The following TSC22D3 variants were observed in gnomAD, a reference collection of about 807,000 sequenced individuals.
The protein encoded by TSC22D3 is TSC22 domain family member 3.
TSC22D3 carries 4 observed loss-of-function variants against 11.1 expected under a neutral mutation model. That is an observed-to-expected ratio of 0.36 (90% confidence interval 0.18 to 0.83). The LOEUF is 0.83. TSC22D3 is among the 40% of genes least tolerant of loss of function. The pLI is 0.48. For missense variants in TSC22D3, 118 were observed against 159.4 expected (o/e 0.74, Z 1.40); for synonymous variants, 77 against 70.3 (o/e 1.10, Z -0.48).
chrX:107,740,388 G>A (rs1816022210), intron 1 of TSC22D3, among the ~76,000 whole-genome samples: 1 of 111,681 alleles, frequency 9.0e-6, no homozygotes, highest in Non-Finnish European at 1.9e-5. Context: ...TCGAGACCAT[G>A]ATGGCCAACA....
At chrX:107,774,325 C>T (rs1196192913) in intron 1 of TSC22D3, among the ~76,000 whole-genome samples, 1 of 110,677 alleles carries the variant, frequency 9.0e-6, no homozygotes, top group East Asian at 2.8e-4. Context: ...GTGTTTTTTC[C>T]CTCCCTTGTC....
intron 1 of TSC22D3, among the ~76,000 whole-genome samples, chrX:107,753,102 A>G (rs1292755344): frequency 9.0e-6 from 1 of 111,179 alleles, no homozygotes; most frequent in Admixed American, 9.5e-5. Flanking sequence ...TCTAAATGCC[A>G]GGCCAGGAGC....
At chrX:107,765,212 C>T (rs955445169) in intron 1 of TSC22D3, among the ~76,000 whole-genome samples, 5 of 111,964 alleles carry the variant, frequency 4.5e-5, no homozygotes, top group East Asian at 2.8e-4. Context: ...CTGCTGGAAG[C>T]GGCCGCCATA....
chrX:107,738,815 T>C (rs1330105301), intron 1 of TSC22D3, among the ~76,000 whole-genome samples: 1 of 112,834 alleles, frequency 8.9e-6, no homozygotes, highest in Admixed American at 9.2e-5. Flanking sequence ...CCGGTCACTG[T>C]GGGGTCCCCC....
chrX:107,770,258 T>A (rs1294479148), intron 1 of TSC22D3, among the ~76,000 whole-genome samples: 4 of 111,987 alleles, frequency 3.6e-5, no homozygotes. Flanking sequence ...GAGAACTGAA[T>A]CTTAAATAGT....
At chrX:107,727,947 G>T (rs1456958209) in intron 1 of TSC22D3, among the ~76,000 whole-genome samples, 1 of 112,137 alleles carries the variant, frequency 8.9e-6, no homozygotes, top group East Asian at 2.8e-4. Flanking sequence ...TAATCAGTAA[G>T]ACCTCTATTC....
In TSC22D3 at chrX:107,717,620, T is replaced by G. The variant is rs538116621; in HGVS notation, c.321-1670A>C. On this transcript the variant is annotated intron_variant, in intron 1 of 2. Coordinates refer to ENST00000372383, the MANE Select transcript of TSC22D3 (RefSeq NM_198057.3). ...TCCACTTGCCCCTTCCTCTGAATGT[T>G]CAGGTGTGGGAGTACTTGTCTGTGG... Among the ~76,000 whole-genome samples the G allele has an allele frequency of 7.1e-5, 8 of 112,899 alleles. No individual in the cohort carries two copies. The South Asian group carries it at 2.9e-3, about 41-fold the overall frequency.
intron 1 of TSC22D3, among the ~76,000 whole-genome samples, chrX:107,741,142 A>T (rs1019063170): frequency 8.9e-6 from 1 of 112,020 alleles, no homozygotes; most frequent in Admixed American, 9.4e-5. Context: ...CCCAGAACTC[A>T]GCACTGCCAC....
At chrX:107,715,823 T>A (rs772866989) in intron 2 of TSC22D3, 76 bp downstream of exon 2, 1 of 1,154,696 alleles carries the variant, frequency 8.7e-7, no homozygotes, top group Non-Finnish European at 1.2e-6. Context: ...TTTTCACCCA[T>A]TCCCTCAATC....
At chrX:107,724,741 C>T (rs1482897210) in intron 1 of TSC22D3, among the ~76,000 whole-genome samples, 5 of 112,305 alleles carry the variant, frequency 4.5e-5, no homozygotes, top group South Asian at 3.6e-4. Context: ...CAGATGGACA[C>T]GGGGGAACCA....
chrX:107,772,476 T>C (rs911726147), intron 1 of TSC22D3, among the ~76,000 whole-genome samples: 1 of 111,779 alleles, frequency 8.9e-6, no homozygotes, highest in African/African-American at 3.3e-5. Context: ...AATGGTCTTC[T>C]AGTTTGCTAA....
intron 1 of TSC22D3, among the ~76,000 whole-genome samples, chrX:107,730,742 A>G (rs1345868856): frequency 8.9e-6 from 1 of 112,446 alleles, no homozygotes; most frequent in Non-Finnish European, 1.9e-5. Context: ...AATGTCACCA[A>G]TCACGGTCTG....
At position 107,714,406 on chromosome X, in the gene TSC22D3, G is replaced by T; in HGVS notation, c.*113C>A. On this transcript the variant is annotated 3_prime_UTR_variant, in exon 3 of 3. Transcript: ENST00000372383. ...CTTAGGACATCTCTTGGCACCAGCT[G>T]TGCTAGGTGTAAAGTTCTCCTCGTG... 1.5e-6 allele frequency: 1 copy of T among 668,781 alleles called. No individual in the cohort carries two copies. Among genetic ancestry groups the T allele is most frequent in the Non-Finnish European group, 2.2e-6 (1 of 453,533 alleles). 55.1% of individuals were successfully genotyped at this position (668,781 alleles called of 1,213,427 possible). A position where few individuals can be genotyped will look rare whatever the true frequency, so the allele number is the denominator to read the frequency against.
chrX:107,740,514 G>A (rs1475987010), intron 1 of TSC22D3, among the ~76,000 whole-genome samples: 3 of 110,979 alleles, frequency 2.7e-5, no homozygotes, highest in Admixed American at 9.5e-5. Context: ...CCCGGGAGGC[G>A]GAGGTTGCAG....
At chrX:107,716,545 T>TGCCC in intron 1 of TSC22D3, 4 of 796,110 alleles carry the variant, frequency 5.0e-6, no homozygotes, top group Non-Finnish European at 6.0e-6. Flanking sequence ...CCTTCCTGCG[T>TGCCC]CCCCTCCCCC....
chrX:107,726,685 G>T (rs185382491), intron 1 of TSC22D3, among the ~76,000 whole-genome samples: 1 of 109,291 alleles, frequency 9.1e-6, no homozygotes, highest in South Asian at 4.0e-4. Context: ...AGATGTCTTC[G>T]TACCACCAAG....
chrX:107,736,866 C>T (rs894848538), intron 1 of TSC22D3, among the ~76,000 whole-genome samples: 2 of 111,348 alleles, frequency 1.8e-5, no homozygotes, highest in African/African-American at 6.5e-5. Context: ...CCCAATTTGG[C>T]CTTGCTGAGG....
intron 1 of TSC22D3, among the ~76,000 whole-genome samples, chrX:107,745,777 T>A (rs1401866820): frequency 8.9e-6 from 1 of 112,289 alleles, no homozygotes; most frequent in Non-Finnish European, 1.9e-5. Context: ...GCTCCAAACA[T>A]CCGTTTGTTT....
At chrX:107,775,940 T>A (rs937461005), upstream of TSC22D3, 4 of 113,257 alleles carry the variant, frequency 3.5e-5, no homozygotes, top group African/African-American at 1.3e-4. Flanking sequence ...TGAGAGCGAG[T>A]GAGCTAGTTA....
Sources: allele counts gnomAD v4.1 joint callset (sites outside exome capture counted in the v4.1 genomes callset), GRCh38; gene constraint gnomAD v4.1.1; transcripts MANE v1.5; gene names NCBI Gene and HGNC (gene_info 2026-07-23, HGNC 2026-07-21).